The following DHX37 variants were observed in gnomAD, a reference collection of about 807,000 sequenced individuals.
The protein encoded by DHX37 is probable ATP-dependent RNA helicase DHX37.
A neutral mutation model predicts 134.3 loss-of-function variants in DHX37; 52 were observed. The observed-to-expected ratio is 0.39, with a 90% CI of 0.31 to 0.49. DHX37 has a LOEUF of 0.49. Ranked by LOEUF, DHX37 falls within the 20% of genes least tolerant of loss-of-function variation. The pLI, the probability that DHX37 is intolerant of heterozygous loss-of-function variation, is 0.93. For synonymous variants in DHX37, 634 were observed against 670.7 expected (o/e 0.95, Z 0.85); for missense variants, 1,344 against 1,580.8 (o/e 0.85, Z 2.54).
chr12:124,952,685 T>G, intron 20 of DHX37, 115 bp from the exon 21 acceptor site: 1 of 1,164,574 alleles, frequency 8.6e-7, no homozygotes, highest in South Asian at 2.6e-5. Flanking sequence ...CACCTGCTTG[T>G]CTCAACCCCT....
At position 124,968,868 on chromosome 12, in the gene DHX37, T is replaced by C. The variant is rs201628977; in HGVS notation, c.1292A>G (p.Lys431Arg). 1.2e-4 allele frequency: 188 copies of C among 1,614,078 alleles called. 1 individual carries two copies. The Admixed American group carries it at 2.3e-3, about 19-fold the overall frequency. ...RLFAKPPPVI[K>R]VESRQFPVTV... The stretch of plus-strand genomic sequence containing the variant: ...AGAGGACATGGGACCCTGTGTTACC[T>C]TGATGACCGGCGGCGGCTTGGCGAA... Residue 431 changes from lysine to arginine, a missense_variant and splice_region_variant, in exon 9 of 27, where the codon AAG (lysine) becomes AGG (arginine). Transcript: ENST00000308736.
rs777061143 is a variant in DHX37 at position 124,968,879 on chromosome 12, C to T, written c.1281G>A (p.Pro427=). Residue 427 remains proline (P), a synonymous_variant, in exon 9 of 27, where the codon CCG becomes CCA. Transcript: ENST00000308736. ...GACCCTGTGTTACCTTGATGACCGG[C>T]GGCGGCTTGGCGAAGAGCCGTGGGT... ...TQNPRLFAKP[P]PVIKVESRQF... 3.7e-5 allele frequency: 59 copies of T among 1,613,908 alleles called. No homozygotes were observed. Among genetic ancestry groups the T allele is most frequent in the Middle Eastern group, 1.6e-4 (1 of 6,084 alleles).
intron 17 of DHX37, 57 bp from the exon 18 acceptor site, chr12:124,956,936 G>C: frequency 1.3e-6 from 2 of 1,543,530 alleles, no homozygotes; most frequent in East Asian, 2.3e-5. Flanking sequence ...GCCACAGCTG[G>C]GAGGCCCCAC....
In DHX37 at chr12:124,975,531, G is replaced by C; in HGVS notation, c.888-20C>G. ...TCTTCACTGGGGGAGGAAGAACATG[G>C]CCATCAACAGTGCGCGGCCCCACCT... On this transcript the variant is annotated intron_variant, in intron 5 of 26. Transcript: ENST00000308736. 2 of 1,610,614 alleles carry C rather than the reference G, an allele frequency of 1.2e-6. No homozygotes were observed. The highest frequency in any genetic ancestry group is 1.7e-6 in the Non-Finnish European group (2 of 1,179,490).
At chr12:124,977,617 C>G in intron 4 of DHX37, 127 bp from the exon 5 acceptor site, 1 of 1,169,712 alleles carries the variant, frequency 8.5e-7, no homozygotes, top group Non-Finnish European at 1.1e-6. Flanking sequence ...GAGGCCCTGA[C>G]AGCTGGGGAG....
Position 124,986,079 on chromosome 12 carries a change from G to C in DHX37, c.276+17C>G. ...TGCTGGAGAGCCACTTGCAGACCCT[G>C]CCCGAGTGGGGTGTACCTGGCTCTT... On this transcript the variant is annotated intron_variant, in intron 2 of 26. Coordinates refer to ENST00000308736, the MANE Select transcript of DHX37 (RefSeq NM_032656.4). 6.2e-7 allele frequency: 1 copy of C among 1,612,812 alleles called. No individual in the cohort carries two copies.
intron 8 of DHX37, among the ~76,000 whole-genome samples, chr12:124,969,428 G>A (rs961344542): frequency 2.0e-5 from 3 of 152,128 alleles, no homozygotes; most frequent in African/African-American, 2.4e-5. Context: ...TTGCTGCTAC[G>A]AAACCCCAAA....
At position 124,960,322 on chromosome 12, in the gene DHX37, T is replaced by C. The variant is rs759969141; in HGVS notation, c.2147A>G (p.Asn716Ser). The change falls in exon 16 of 27, where the codon AAC becomes AGC. Residue 716 changes from asparagine to serine, a missense_variant. This residue lies in a region of DHX37 where 558 missense variants were observed against 650.0 expected (regional missense o/e 0.86). Coordinates refer to ENST00000308736, the MANE Select transcript of DHX37 (RefSeq NM_032656.4). ...GGGGCAGCAACTGACCTTTTCAACG[T>C]TGAGCGCCTTCATTTGAAGGATTAA... ...EDLILQMKAL[N>S]VEKVINFPFP... is the part of the protein sequence containing the mutation. The C allele has an allele frequency of 1.1e-5, 18 of 1,613,546 alleles. No individual in the cohort carries two copies. In the South Asian group the frequency reaches 1.8e-4, roughly 16 times the overall value.
intron 12 of DHX37, 146 bp from the exon 13 acceptor site, chr12:124,965,958 C>T (rs1346021839): frequency 4.9e-6 from 5 of 1,015,334 alleles, no homozygotes; most frequent in East Asian, 2.7e-5. Flanking sequence ...ATAATTCTCT[C>T]TTCCTGCCAG....
At position 124,966,764 on chromosome 12, in the gene DHX37, C is replaced by T; in HGVS notation, c.1590+29G>A. ...ATCCTGGACAACGCAGCCTTACTCT[C>T]CAGGAGTCCCTGCCAGCCCCCCACG... On this transcript the variant is annotated intron_variant, in intron 12 of 26. Transcript: ENST00000308736. 1.9e-6 allele frequency: 3 copies of T among 1,612,200 alleles called. No individual in the cohort carries two copies. In the African/African-American group the frequency reaches 4.0e-5, roughly 21 times the overall value.
chr12:124,965,849 G>A (rs1798842051), intron 12 of DHX37, 37 bp from the exon 13 acceptor site: 1 of 1,595,612 alleles, frequency 6.3e-7, no homozygotes, highest in Non-Finnish European at 8.6e-7. Flanking sequence ...GGGCTGCAGG[G>A]ATCCTGGGTG....
intron 18 of DHX37, 82 bp from the exon 19 acceptor site, chr12:124,954,293 G>C (rs973016488): frequency 6.6e-7 from 1 of 1,503,788 alleles, no homozygotes; most frequent in African/African-American, 1.4e-5. Flanking sequence ...TTTATTCATC[G>C]GGACAGGCTC....
rs954761081 is a variant in DHX37 at position 124,947,545 on chromosome 12, G to C, written c.*257C>G. 15 of 476,544 alleles carry C rather than the reference G, an allele frequency of 3.1e-5. No homozygotes were observed. Among genetic ancestry groups the C allele is most frequent in the Admixed American group, 7.4e-5 (2 of 26,996 alleles). 29.5% of individuals were successfully genotyped at this position (476,544 alleles called of 1,614,324 possible). On this transcript the variant is annotated 3_prime_UTR_variant, in exon 27 of 27. Coordinates refer to ENST00000308736, the MANE Select transcript of DHX37 (RefSeq NM_032656.4). ...TCCAAAGAGCACACTGAACAGAACAGCGTCCAGCACGTGAGATGAAATCAT... is the reference window on the plus strand; with the variant it reads ...TCCAAAGAGCACACTGAACAGAACACCGTCCAGCACGTGAGATGAAATCAT...
intron 8 of DHX37, among the ~76,000 whole-genome samples, chr12:124,970,449 C>T (rs531192648): frequency 6.6e-6 from 1 of 152,306 alleles, no homozygotes; most frequent in Admixed American, 6.5e-5. Context: ...CAGGCAGACG[C>T]CCGCCTCAGG....
chr12:124,960,277 G>C (rs373318055), intron 16 of DHX37, 35 bp downstream of exon 16: 1 of 1,597,988 alleles, frequency 6.3e-7, no homozygotes, highest in Non-Finnish European at 8.6e-7. Context: ...GGTCCACTGG[G>C]GTGGCTGAGA....
chr12:124,954,080 C>T lies in DHX37; in HGVS notation c.2578+7G>A, dbSNP rs1392679660. Reference sequence around the variant, plus strand: ...TCCCGCCACCCTCCAACGGGCAGGGCACAAACCCAGCAGCACCATGAGGTC... The same window carrying T: ...TCCCGCCACCCTCCAACGGGCAGGGTACAAACCCAGCAGCACCATGAGGTC... On this transcript the variant is annotated splice_region_variant and intron_variant, in intron 19 of 26. Coordinates refer to ENST00000308736, the MANE Select transcript of DHX37 (RefSeq NM_032656.4). 7 of 1,606,814 alleles carry T rather than the reference C, an allele frequency of 4.4e-6. No homozygotes were observed. The highest frequency in any genetic ancestry group is 3.3e-5 in the South Asian group (3 of 90,314).
At chr12:124,986,734 A>C (rs1954881050) in intron 1 of DHX37, among the ~76,000 whole-genome samples, 1 of 151,584 alleles carries the variant, frequency 6.6e-6, no homozygotes. Flanking sequence ...CCCCCCAAAA[A>C]ATACTATGAT....
intron 15 of DHX37, among the ~76,000 whole-genome samples, chr12:124,961,257 C>G (rs1199556267): frequency 3.6e-5 from 3 of 83,780 alleles, no homozygotes; most frequent in Non-Finnish European, 6.7e-5. Context: ...TGCACGCACG[C>G]ACACACATAC....
chr12:124,979,776 C>T (rs1349470301), intron 4 of DHX37, among the ~76,000 whole-genome samples: 2 of 152,212 alleles, frequency 1.3e-5, no homozygotes, highest in African/African-American at 2.4e-5. Flanking sequence ...CCCTCCTTGC[C>T]ACCAGATGGC....
Sources: gnomAD v4.1 joint callset for allele counts (sites outside exome capture counted in the v4.1 genomes callset) on GRCh38, gnomAD v4.1.1 for gene constraint, gnomAD v4.1.1 regional missense constraint, MANE v1.5 for transcripts, NCBI Gene and HGNC (gene_info 2026-07-23, HGNC 2026-07-21) for gene names.